CDH11: variants seen among roughly 807,000 people sequenced by gnomAD.
CDH11 encodes cadherin 11, also known as cadherin-11.
CDH11 carries 11 observed loss-of-function variants against 67.8 expected under a neutral mutation model. That is an observed-to-expected ratio of 0.16 (90% CI 0.10 to 0.27). The LOEUF is 0.27. Among genes scored for constraint, CDH11 ranks in the 10% least tolerant of loss-of-function variants. The pLI is 1.00. For synonymous variants in CDH11, 419 were observed against 400.0 expected, an observed-to-expected ratio of 1.05 and a Z score of -0.57; for missense variants, 847 against 1,031.2, an observed-to-expected ratio of 0.82 and a Z score of 2.45.
chr16:65,001,979 T>C (rs1373135946), intron 3 of CDH11, among the ~76,000 whole-genome samples: 6 of 152,122 alleles, frequency 3.9e-5, no homozygotes, highest in Non-Finnish European at 5.9e-5. Flanking sequence ...TTTACCAAAT[T>C]TCACTTTTTC....
intron 2 of CDH11, among the ~76,000 whole-genome samples, chr16:65,052,442 A>G (rs2074071953): frequency 6.6e-6 from 1 of 152,196 alleles, no homozygotes; most frequent in African/African-American, 2.4e-5. Flanking sequence ...AAATGCCTTA[A>G]GAGTGCTTAT....
At position 65,004,932 on chromosome 16, in the gene CDH11, G is replaced by A; in HGVS notation, c.-63C>T. 6.9e-7 allele frequency: 1 copy of A among 1,450,470 alleles called. No homozygotes were observed. The highest frequency in any genetic ancestry group is 1.5e-5 in the South Asian group (1 of 68,498). 89.8% of individuals were successfully genotyped at this position (1,450,470 alleles called of 1,614,324 possible). On this transcript the variant is annotated 5_prime_UTR_variant, in exon 3 of 13. Transcript: ENST00000268603. ...CACCCCTTCCACCAACTGTACGGTG[G>A]TCTTGCTGAGGGTGGCCTCCCGGAC...
chr16:65,029,156 GAGA>G (rs2073590239), intron 2 of CDH11, among the ~76,000 whole-genome samples: 1 of 152,038 alleles, frequency 6.6e-6, no homozygotes, highest in African/African-American at 2.4e-5. Context: ...TCTTCCTTCT[GAGA>G]AGAAAAGATT....
intron 2 of CDH11, among the ~76,000 whole-genome samples, chr16:65,016,608 T>G (rs1473012312): frequency 6.6e-6 from 1 of 152,218 alleles, no homozygotes; most frequent in African/African-American, 2.4e-5. Context: ...GAAAAAGAAT[T>G]CTTTATTTTT....
chr16:65,004,853 C>T lies in CDH11; in HGVS notation c.17G>A (p.Cys6Tyr). The T allele has an allele frequency of 6.5e-7, 1 of 1,536,966 alleles. No individual in the cohort carries two copies. The highest frequency in any genetic ancestry group is 2.4e-5 in the East Asian group (1 of 40,834). ...CAGGCACACCAGGGCGGCTTGTAAA[C>T]AGTAGTTCTCCTTCATTTTTGGTTA... Reference protein sequence around the residue: MKENYCLQAALVCLGM... With the variant: MKENYYLQAALVCLGM... Residue 6 changes from cysteine (C) to tyrosine (Y), a missense_variant, in exon 3 of 13, where the codon TGT (cysteine) becomes TAT (tyrosine). Transcript: ENST00000268603.
At chr16:64,975,074 C>A (rs2142436629) in intron 8 of CDH11, among the ~76,000 whole-genome samples, 1 of 152,282 alleles carries the variant, frequency 6.6e-6, no homozygotes, top group Non-Finnish European at 1.5e-5. Context: ...CCTCAGGCTC[C>A]TGGGTAGCTG....
chr16:65,092,584 A>C (rs1235343573), intron 1 of CDH11, among the ~76,000 whole-genome samples: 1 of 152,210 alleles, frequency 6.6e-6, no homozygotes, highest in Non-Finnish European at 1.5e-5. Context: ...TGCCTGAGAC[A>C]CAAAGGAGCT....
intron 1 of CDH11, among the ~76,000 whole-genome samples, chr16:65,068,520 T>A (rs1201442975): frequency 6.6e-6 from 1 of 151,904 alleles, no homozygotes; most frequent in Non-Finnish European, 1.5e-5. Context: ...TCCCGTGACC[T>A]TGCCAAATTA....
rs527683852 is a variant in CDH11, at chr16:64,953,281, T to G, written c.1643-2263A>C. ...ATATCTATATATAGATATATATATATGTATGTATATACACACACATATATA... is the reference window on the plus strand; with the variant it reads ...ATATCTATATATAGATATATATATAGGTATGTATATACACACACATATATA... On this transcript the variant is annotated intron_variant, in intron 11 of 12. Coordinates refer to ENST00000268603, the MANE Select transcript of CDH11 (RefSeq NM_001797.4). Among the ~76,000 whole-genome samples the G allele has an allele frequency of 1.6e-4, 23 of 145,720 alleles. No individual in the cohort carries two copies. The South Asian group carries it at 4.7e-3, about 30-fold the overall frequency.
chr16:65,091,338 T>C (rs550292892), intron 1 of CDH11, among the ~76,000 whole-genome samples: 1 of 152,234 alleles, frequency 6.6e-6, no homozygotes, highest in Non-Finnish European at 1.5e-5. Flanking sequence ...AAAAGTGAGA[T>C]GATTATTGTA....
intron 11 of CDH11, among the ~76,000 whole-genome samples, chr16:64,970,123 C>A (rs1349506405): frequency 3.9e-5 from 6 of 152,112 alleles, no homozygotes; most frequent in African/African-American, 1.4e-4. Context: ...ATATAACTTC[C>A]TTCACACTTC....
intron 2 of CDH11, among the ~76,000 whole-genome samples, chr16:65,014,382 C>T (rs138681182): frequency 4.1e-4 from 62 of 152,222 alleles, no homozygotes; most frequent in African/African-American, 1.4e-3. Flanking sequence ...GCCCCAAAAT[C>T]GTATCATTTT....
At chr16:64,998,927 T>G (rs1340130608) in intron 3 of CDH11, 71 bp from the exon 4 acceptor site, 1 of 1,226,390 alleles carries the variant, frequency 8.2e-7, no homozygotes, top group East Asian at 2.4e-5. Flanking sequence ...TACAAGTGAT[T>G]GCAACAATCT....
intron 2 of CDH11, among the ~76,000 whole-genome samples, chr16:65,038,850 A>G (rs989539566): frequency 3.3e-5 from 5 of 152,226 alleles, no homozygotes; most frequent in African/African-American, 1.2e-4. Flanking sequence ...CTTGTTTCCT[A>G]CCGCACACCT....
chr16:65,057,325 A>G (rs996212893), intron 1 of CDH11, among the ~76,000 whole-genome samples: 2 of 152,146 alleles, frequency 1.3e-5, no homozygotes, highest in African/African-American at 4.8e-5. Flanking sequence ...CCATCTTCCC[A>G]GCTCTGCACA....
At chr16:65,101,176 T>A (rs911037580) in intron 1 of CDH11, among the ~76,000 whole-genome samples, 1 of 152,194 alleles carries the variant, frequency 6.6e-6, no homozygotes, top group African/African-American at 2.4e-5. Flanking sequence ...TTCTCCACAT[T>A]TGTTGGCCTC....
intron 1 of CDH11, among the ~76,000 whole-genome samples, chr16:65,091,139 T>C (rs961374929): frequency 3.9e-5 from 6 of 152,236 alleles, no homozygotes; most frequent in Non-Finnish European, 8.8e-5. Flanking sequence ...CCTAAGCATA[T>C]GTCCATGTAG....
chr16:65,121,578 C>T lies in CDH11; in HGVS notation c.-298+302G>A, dbSNP rs578179287. On this transcript the variant is annotated intron_variant, in intron 1 of 12. Transcript: ENST00000268603. This position sits in a 1 kb window ranked among gnomAD's most constrained non-coding sequence, Gnocchi z 4.1. ...TGCCCCAGCCAGGTACAAACCCCCT[C>T]TGCTGTGGCCTCGGCGCAGACCCCA... 2.8e-4 allele frequency among the ~76,000 whole-genome samples: 43 copies of T among 152,324 alleles called. No homozygotes were observed. The highest frequency in any genetic ancestry group is 1.0e-3 in the African/African-American group (42 of 41,596).
At chr16:65,020,994 C>T (rs1243484245) in intron 2 of CDH11, among the ~76,000 whole-genome samples, 1 of 151,076 alleles carries the variant, frequency 6.6e-6, no homozygotes, top group East Asian at 1.9e-4. Context: ...TTTTTTTTTA[C>T]CAAATCCTGG....
Sources: allele counts gnomAD v4.1 joint callset (sites outside exome capture counted in the v4.1 genomes callset), GRCh38; gene constraint gnomAD v4.1.1; non-coding constraint Gnocchi (gnomAD v3.1); transcripts MANE v1.5; gene names NCBI Gene and HGNC (gene_info 2026-07-23, HGNC 2026-07-21).